SV2B: variants seen among roughly 807,000 people sequenced by gnomAD.
SV2B encodes synaptic vesicle glycoprotein 2B.
In SV2B, 41 loss-of-function variants were observed where a neutral mutation model predicts 73.9. That is an observed-to-expected ratio of 0.56 (90% CI 0.43 to 0.72). The LOEUF (loss-of-function observed/expected upper bound fraction) is 0.72, where lower values mean the gene tolerates loss of function less well. Among genes scored for constraint, SV2B ranks in the 30% least tolerant of loss-of-function variants. The probability of loss-of-function intolerance (pLI) is 0.00; values close to 1 mark genes in which losing one functional copy is unlikely to be tolerated. For synonymous variants in SV2B, 314 were observed against 314.2 expected (o/e 1.00, Z 0.01); for missense variants, 764 against 857.8 (o/e 0.89, Z 1.37).
At chr15:91,212,686 G>C (rs1456898835) in intron 1 of SV2B, among the ~76,000 whole-genome samples, 1 of 152,108 alleles carries the variant, frequency 6.6e-6, no homozygotes, top group Non-Finnish European at 1.5e-5. Context: ...GGCCACGGTG[G>C]CTCACTCCTG....
intron 2 of SV2B, among the ~76,000 whole-genome samples, chr15:91,248,011 C>G (rs2047310594): frequency 6.6e-6 from 1 of 152,054 alleles, no homozygotes; most frequent in African/African-American, 2.4e-5. Context: ...TTTTGGAGCA[C>G]CTGTGATATT....
At chr15:91,251,326 G>C (rs1340681735) in intron 2 of SV2B, among the ~76,000 whole-genome samples, 2 of 152,238 alleles carry the variant, frequency 1.3e-5, no homozygotes, top group African/African-American at 4.8e-5. Context: ...GACATTGGTT[G>C]TAGCTTGAAG....
intron 6 of SV2B, among the ~76,000 whole-genome samples, chr15:91,263,995 T>C (rs1449798456): frequency 6.6e-6 from 1 of 152,254 alleles, no homozygotes; most frequent in African/African-American, 2.4e-5. Context: ...TTAACAGATT[T>C]ATTTCAAATG....
chr15:91,188,184 A>C (rs1302436310), intron 1 of SV2B, among the ~76,000 whole-genome samples: 2 of 152,122 alleles, frequency 1.3e-5, no homozygotes, highest in African/African-American at 2.4e-5. Flanking sequence ...CCTGCCTTCT[A>C]CCAAGGCCTA....
intron 1 of SV2B, among the ~76,000 whole-genome samples, chr15:91,211,373 A>G (rs1371348050): frequency 6.6e-6 from 1 of 152,214 alleles, no homozygotes; most frequent in Non-Finnish European, 1.5e-5. Context: ...GATGATAGCC[A>G]TGGCAGTCTT....
rs1424391115 is a variant in SV2B at position 91,232,513 on chromosome 15, G to C, written c.451+5799G>C. Among the ~76,000 whole-genome samples, 1 of 152,152 alleles carries C rather than the reference G, an allele frequency of 6.6e-6. No homozygotes were observed. The highest frequency in any genetic ancestry group is 1.5e-5 in the Non-Finnish European group (1 of 68,024). ...TTGAGGAAGGAGGTGATAAGATGGG[G>C]CCTGTGGTTTAGGATGATCACTCTG... On this transcript the variant is annotated intron_variant, in intron 2 of 12. Transcript: ENST00000394232. This position sits in a 1 kb window ranked among gnomAD's most constrained non-coding sequence, Gnocchi z 4.7.
Position 91,136,459 on chromosome 15 carries a change from A to T in SV2B, c.-392+36096A>T, listed in dbSNP as rs1220457651. 6.6e-6 allele frequency among the ~76,000 whole-genome samples: 1 copy of T among 152,174 alleles called. No individual in the cohort carries two copies. On this transcript the variant is annotated intron_variant, in intron 1 of 12. Transcript: ENST00000394232. This position sits in a 1 kb window ranked among gnomAD's most constrained non-coding sequence, Gnocchi z 5.6. ...GTGCCCATCCAGCTAGTGGAGAACCAGTGGGAAGGCCCATGCGTCTCGGGT... is the reference window on the plus strand; with the variant it reads ...GTGCCCATCCAGCTAGTGGAGAACCTGTGGGAAGGCCCATGCGTCTCGGGT...
At chr15:91,193,434 A>C (rs1043311294) in intron 1 of SV2B, among the ~76,000 whole-genome samples, 2 of 152,128 alleles carry the variant, frequency 1.3e-5, no homozygotes, top group Non-Finnish European at 2.9e-5. Context: ...CAAAAACAAA[A>C]TCAGAGCCAG....
chr15:91,164,301 A>G (rs1365304146), intron 1 of SV2B, among the ~76,000 whole-genome samples: 1 of 152,200 alleles, frequency 6.6e-6, no homozygotes, highest in East Asian at 1.9e-4. Flanking sequence ...AGACAACGCT[A>G]AGCAAAAAGA....
In SV2B at chr15:91,197,300, C is replaced by T. The variant is rs2045284100; in HGVS notation, c.-391-28573C>T. Among the ~76,000 whole-genome samples, 1 of 152,092 alleles carries T rather than the reference C, an allele frequency of 6.6e-6. No homozygotes were observed. The highest frequency in any genetic ancestry group is 2.4e-5 in the African/African-American group (1 of 41,420). ...CTGGAGTGCAATGGCATGATCTCAG[C>T]TCACCGCAACCTCTGCTTCCTGGGT... On this transcript the variant is annotated intron_variant, in intron 1 of 12. Transcript: ENST00000394232. This position sits in a 1 kb window ranked among gnomAD's most constrained non-coding sequence, Gnocchi z 4.9.
rs1162276720 is a variant in SV2B at position 91,299,589 on chromosome 15, A to G, written c.*7037A>G. 6.6e-6 allele frequency: 1 copy of G among 152,188 alleles called. No homozygotes were observed. Among genetic ancestry groups the G allele is most frequent in the African/African-American group, 2.4e-5 (1 of 41,442 alleles). The allele number at this position is 152,188 out of a possible 1,614,324, so 9.4% of individuals were successfully genotyped here. ...GGTATCCTTAAATATATAGATGCTT[A>G]CCAGTAGGTTTAATAGAAGATTTCT... is the stretch of plus-strand genomic sequence containing the variant. On this transcript the variant is annotated 3_prime_UTR_variant, in exon 13 of 13. Transcript: ENST00000394232.
intron 1 of SV2B, among the ~76,000 whole-genome samples, chr15:91,182,005 A>G (rs923711257): frequency 6.6e-6 from 1 of 152,142 alleles, no homozygotes; most frequent in African/African-American, 2.4e-5. Flanking sequence ...AAGGACAAGG[A>G]GACATTTTGC....
chr15:91,126,462 G>A (rs865799911), intron 1 of SV2B, among the ~76,000 whole-genome samples: 2 of 152,206 alleles, frequency 1.3e-5, no homozygotes, highest in Non-Finnish European at 2.9e-5. Context: ...ACCTGTGGCT[G>A]CAGGGTTGAT....
chr15:91,170,167 T>C (rs951599117), intron 1 of SV2B, among the ~76,000 whole-genome samples: 2 of 152,236 alleles, frequency 1.3e-5, no homozygotes, highest in Non-Finnish European at 2.9e-5. Flanking sequence ...ATTAAGTAGA[T>C]TTCTTAGGAG....
chr15:91,263,393 CACAG>C (rs2047989974), intron 6 of SV2B, among the ~76,000 whole-genome samples: 3 of 151,844 alleles, frequency 2.0e-5, no homozygotes, highest in Non-Finnish European at 4.4e-5. Flanking sequence ...TGCAGAGACA[CACAG>C]ACACAGGAAC....
intron 1 of SV2B, among the ~76,000 whole-genome samples, chr15:91,198,455 A>ATGTGTGGGTG (rs2045335312): frequency 7.3e-6 from 1 of 136,756 alleles, no homozygotes; most frequent in Non-Finnish European, 1.6e-5. Flanking sequence ...AAGCACGTGT[A>ATGTGTGGGTG]TGTGTGTGTG....
Position 91,226,253 on chromosome 15 carries a change from A to G in SV2B, c.-11A>G. The G allele has an allele frequency of 6.2e-7, 1 of 1,613,902 alleles. No individual in the cohort carries two copies. On this transcript the variant is annotated 5_prime_UTR_variant, in exon 2 of 13. Transcript: ENST00000394232. ...GCTCAAGGGGCAACCAGGCAGTCGC[A>G]GAACCAAGGAATGGATGACTACAAG... is the stretch of plus-strand genomic sequence containing the variant.
chr15:91,216,476 GT>G (rs200164286), intron 1 of SV2B, among the ~76,000 whole-genome samples: 5,255 of 148,950 alleles, frequency 0.035, 237 homozygotes, highest in East Asian at 0.12. Context: ...TTTTTTTTTT[GT>G]TTTTTTGTTT....
intron 1 of SV2B, among the ~76,000 whole-genome samples, chr15:91,174,065 G>A (rs1371735777): frequency 1.3e-5 from 2 of 152,116 alleles, no homozygotes; most frequent in Non-Finnish European, 2.9e-5. Flanking sequence ...TGATTGCATG[G>A]GCCTTCTGAC....
Sources: gnomAD v4.1 joint callset for allele counts (sites outside exome capture counted in the v4.1 genomes callset) on GRCh38, gnomAD v4.1.1 for gene constraint, Gnocchi (gnomAD v3.1) non-coding constraint, MANE v1.5 for transcripts, NCBI Gene and HGNC (gene_info 2026-07-23, HGNC 2026-07-21) for gene names.